Variants in NLGN1 observed in about 807,000 individuals in gnomAD.
The protein encoded by NLGN1 is neuroligin-1.
In NLGN1, 12 loss-of-function variants were observed where a neutral mutation model predicts 65.5. That is an observed-to-expected ratio of 0.18 (90% CI 0.12 to 0.30). NLGN1 has a LOEUF of 0.30. Among genes scored for constraint, NLGN1 ranks in the 10% least tolerant of loss-of-function variants. NLGN1 has a pLI of 1.00. For synonymous variants in NLGN1, 350 were observed against 359.5 expected (o/e 0.97, Z 0.30); for missense variants, 750 against 1,007.1 (o/e 0.74, Z 3.46).
chr3:173,921,118 T>G (rs1296279420), intron 4 of NLGN1, among the ~76,000 whole-genome samples: 1 of 149,474 alleles, frequency 6.7e-6, no homozygotes, highest in Non-Finnish European at 1.5e-5. Context: ...TTACAGGAAG[T>G]TCATAGCAAT....
At chr3:174,054,969 C>T (rs746696805) in intron 4 of NLGN1, among the ~76,000 whole-genome samples, 23 of 151,862 alleles carry the variant, frequency 1.5e-4, no homozygotes, top group Non-Finnish European at 2.9e-4. Flanking sequence ...CTTCTGCTCC[C>T]GACTAATCTT....
At chr3:173,884,412 T>C (rs1267908186) in intron 4 of NLGN1, among the ~76,000 whole-genome samples, 3 of 152,134 alleles carry the variant, frequency 2.0e-5, no homozygotes, top group Non-Finnish European at 2.9e-5. Context: ...ATTTAGGTGG[T>C]CTTTGATTTA....
At chr3:173,798,184 A>G (rs1009439174) in intron 3 of NLGN1, among the ~76,000 whole-genome samples, 2 of 152,156 alleles carry the variant, frequency 1.3e-5, no homozygotes, top group African/African-American at 2.4e-5. Flanking sequence ...ATTTCTTAAT[A>G]TAGCCAAGAA....
intron 1 of NLGN1, among the ~76,000 whole-genome samples, chr3:173,423,148 T>C (rs115792254): frequency 0.012 from 1,896 of 152,178 alleles, 56 homozygotes; most frequent in African/African-American, 0.043. Flanking sequence ...TCACGAGAAC[T>C]CTCTCACTAT....
chr3:173,406,150 A>G (rs1426053411), intron 1 of NLGN1, among the ~76,000 whole-genome samples: 1 of 152,132 alleles, frequency 6.6e-6, no homozygotes, highest in African/African-American at 2.4e-5. Flanking sequence ...ATTCAACAGA[A>G]CAAAAGTAGG....
intron 4 of NLGN1, among the ~76,000 whole-genome samples, chr3:173,902,631 G>T (rs543870242): frequency 5.9e-5 from 9 of 152,222 alleles, no homozygotes; most frequent in African/African-American, 2.2e-4. Context: ...GCTAATATTT[G>T]ATTGTGGTTA....
At chr3:173,486,278 T>A (rs369164876) in intron 2 of NLGN1, among the ~76,000 whole-genome samples, 9 of 152,228 alleles carry the variant, frequency 5.9e-5, no homozygotes, top group African/African-American at 9.6e-5. Flanking sequence ...GCTAGGCTGG[T>A]CTCGAACTCC....
chr3:173,640,500 C>T (rs959541252), intron 3 of NLGN1, among the ~76,000 whole-genome samples: 3 of 152,058 alleles, frequency 2.0e-5, no homozygotes, highest in African/African-American at 7.2e-5. Context: ...CAAAATACTT[C>T]AATGCGTATC....
intron 4 of NLGN1, among the ~76,000 whole-genome samples, chr3:174,101,990 G>A (rs13326853): frequency 0.022 from 3,364 of 152,208 alleles, 143 homozygotes; most frequent in African/African-American, 0.076. Context: ...TTATGGAGTA[G>A]TACTTCAGAC....
intron 3 of NLGN1, among the ~76,000 whole-genome samples, chr3:173,662,618 A>G (rs921624098): frequency 1.3e-5 from 2 of 151,994 alleles, no homozygotes; most frequent in African/African-American, 4.8e-5. Context: ...AATCTTTGGA[A>G]GGATTCCAGA....
intron 1 of NLGN1, among the ~76,000 whole-genome samples, chr3:173,405,965 A>G (rs1166233786): frequency 6.6e-6 from 1 of 152,164 alleles, no homozygotes; most frequent in African/African-American, 2.4e-5. Context: ...TATGATATAA[A>G]TACATAATAG....
chr3:173,489,823 C>T (rs1267863203), intron 2 of NLGN1, among the ~76,000 whole-genome samples: 2 of 152,022 alleles, frequency 1.3e-5, no homozygotes, highest in Non-Finnish European at 2.9e-5. Flanking sequence ...TTTTCCATTT[C>T]TCTGATGGCC....
chr3:174,281,487 A>G (rs1169115231), exon 7 of NLGN1: 2 of 497,486 alleles, frequency 4.0e-6, no homozygotes, highest in African/African-American at 1.9e-5. Flanking sequence ...AACTTTAAAA[A>G]CAAATTTCAA....
intron 4 of NLGN1, among the ~76,000 whole-genome samples, chr3:174,223,591 G>A (rs961477925): frequency 1.3e-5 from 2 of 152,068 alleles, no homozygotes; most frequent in Non-Finnish European, 2.9e-5. Context: ...ATCAGTGTGT[G>A]CAGCTGAATG....
intron 2 of NLGN1, among the ~76,000 whole-genome samples, chr3:173,599,176 G>A (rs1750024013): frequency 6.6e-6 from 1 of 152,060 alleles, no homozygotes; most frequent in Non-Finnish European, 1.5e-5. Flanking sequence ...GTGTTCATTT[G>A]TTTATTCATC....
In NLGN1 at chr3:174,272,421, C is replaced by CTT. The variant is rs544114819; in HGVS notation, c.647-2892_647-2891dup. Among the ~76,000 whole-genome samples, 77 of 151,856 alleles carry CTT rather than the reference C, an allele frequency of 5.1e-4. No homozygotes were observed. In the Middle Eastern group the frequency reaches 0.017, roughly 34 times the overall value. ...TCTTTTGAGACAGCAATTTATTTAA[C>CTT]TTTCCTCATTTTGTGCCTTTAACTT... On this transcript the variant is annotated intron_variant, in intron 4 of 6. Coordinates refer to ENST00000457714, the Ensembl canonical transcript of NLGN1.
intron 4 of NLGN1, among the ~76,000 whole-genome samples, chr3:174,047,958 G>C (rs1228080536): frequency 2.6e-5 from 4 of 152,058 alleles, no homozygotes; most frequent in Non-Finnish European, 5.9e-5. Flanking sequence ...GCACTTCATA[G>C]ATGTAGGCAA....
At chr3:173,560,344 AAAG>A (rs1742503949) in intron 2 of NLGN1, among the ~76,000 whole-genome samples, 1 of 152,252 alleles carries the variant, frequency 6.6e-6, no homozygotes, top group East Asian at 1.9e-4. Flanking sequence ...GAGAGAAAGA[AAAG>A]AAGCAAGGAA....
At chr3:173,674,045 C>T (rs1248711027) in intron 3 of NLGN1, among the ~76,000 whole-genome samples, 1 of 152,112 alleles carries the variant, frequency 6.6e-6, no homozygotes, top group Non-Finnish European at 1.5e-5. Context: ...TATTTCCTGT[C>T]ATAGCTGAAG....
Sources: allele counts gnomAD v4.1 joint callset (sites outside exome capture counted in the v4.1 genomes callset), GRCh38; gene constraint gnomAD v4.1.1; transcripts MANE v1.5; gene names NCBI Gene and HGNC (gene_info 2026-07-23, HGNC 2026-07-21).